Variants in ADAMTS18 observed in about 807,000 individuals in gnomAD.
ADAMTS18 encodes the protein ADAM metallopeptidase with thrombospondin type 1 motif 18.
A neutral mutation model predicts 165.9 loss-of-function variants in ADAMTS18; 157 were observed. The observed-to-expected ratio is 0.95, with a 90% CI of 0.83 to 1.08. The LOEUF (loss-of-function observed/expected upper bound fraction) is 1.08, where lower values mean the gene tolerates loss of function less well. ADAMTS18 is among the 50% of genes least tolerant of loss of function. The probability of loss-of-function intolerance (pLI) is 0.00; values close to 1 mark genes in which losing one functional copy is unlikely to be tolerated. For synonymous variants in ADAMTS18, 782 were observed against 578.2 expected (o/e 1.35, Z -5.06); for missense variants, 2,040 against 1,534.0 (o/e 1.33, Z -5.51).
At chr16:77,345,454 T>C (rs1381137128) in intron 10 of ADAMTS18, among the ~76,000 whole-genome samples, 2 of 152,160 alleles carry the variant, frequency 1.3e-5, no homozygotes, top group African/African-American at 4.8e-5. Flanking sequence ...TTCAAAATAT[T>C]TCCAGAATCT....
intron 18 of ADAMTS18, among the ~76,000 whole-genome samples, chr16:77,296,634 A>C (rs2055478083): frequency 6.6e-6 from 1 of 152,194 alleles, no homozygotes; most frequent in Admixed American, 6.5e-5. Context: ...AGCCTGGCCA[A>C]CATGGCAAAA....
At chr16:77,421,585 C>G (rs550812115) in intron 3 of ADAMTS18, among the ~76,000 whole-genome samples, 4 of 152,204 alleles carry the variant, frequency 2.6e-5, no homozygotes, top group African/African-American at 9.7e-5. Context: ...CTGCCCTAGG[C>G]TCATGGAAAA....
chr16:77,304,507 T>C (rs377367083), intron 16 of ADAMTS18, among the ~76,000 whole-genome samples: 2 of 152,194 alleles, frequency 1.3e-5, no homozygotes, highest in South Asian at 2.1e-4. Flanking sequence ...AAGATTTCTA[T>C]TCCCCCCTCT....
chr16:77,353,705 G>C, intron 10 of ADAMTS18, 28 bp downstream of exon 10: 2 of 1,614,144 alleles, frequency 1.2e-6, no homozygotes, highest in Non-Finnish European at 1.7e-6. Flanking sequence ...GAGTCTTAAT[G>C]TAAGTTTGAA....
At chr16:77,355,782 A>G (rs1446447154) in intron 9 of ADAMTS18, among the ~76,000 whole-genome samples, 158 bp downstream of exon 9, 2 of 152,174 alleles carry the variant, frequency 1.3e-5, no homozygotes, top group Admixed American at 6.5e-5. Context: ...TTTTTTCAAC[A>G]ATGTCATCAT....
intron 13 of ADAMTS18, 81 bp from the exon 14 acceptor site, chr16:77,322,547 A>C: frequency 6.5e-7 from 1 of 1,529,532 alleles, no homozygotes; most frequent in Non-Finnish European, 9.0e-7. Flanking sequence ...GAATGAATTA[A>C]ATTTACTTAG....
chr16:77,340,727 C>T (rs909270052), intron 11 of ADAMTS18, among the ~76,000 whole-genome samples: 2 of 152,026 alleles, frequency 1.3e-5, no homozygotes, highest in Non-Finnish European at 2.9e-5. Context: ...ACTACAGGCA[C>T]GCACCACCAA....
In ADAMTS18 at chr16:77,289,302, G is replaced by T. The variant is rs1364135085; in HGVS notation, c.3512C>A (p.Ala1171Asp). The change falls in exon 22 of 23, where the codon GCC (alanine) becomes GAC (aspartate). Residue 1171 changes from alanine to aspartate, a missense_variant. Transcript: ENST00000282849. Reference sequence around the variant, plus strand: ...AGCTGGACAGAAGTTTGTATTACAGGCTCGTAGCACCGGAGGTTTCTGATG... The same window carrying T: ...AGCTGGACAGAAGTTTGTATTACAGTCTCGTAGCACCGGAGGTTTCTGATG... ...LLHQKPPVLR[A>D]CNTNFCPAPE... 2 of 1,614,002 alleles carry T rather than the reference G, an allele frequency of 1.2e-6. No individual in the cohort carries two copies. The highest frequency in any genetic ancestry group is 2.7e-5 in the African/African-American group (2 of 74,898).
chr16:77,431,504 A>G lies in ADAMTS18; in HGVS notation c.286T>C (p.Ser96Pro). 1 of 1,614,182 alleles carries G rather than the reference A, an allele frequency of 6.2e-7. No homozygotes were observed. Among genetic ancestry groups the G allele is most frequent in the African/African-American group, 1.3e-5 (1 of 75,050 alleles). ...AATGCTGAAAATCGGTAGTGCAGGGAGCTTCTGGCATTCTGCGCCGATCGC... is the reference window on the plus strand; with the variant it reads ...AATGCTGAAAATCGGTAGTGCAGGGGGCTTCTGGCATTCTGCGCCGATCGC... ...KKRSAQNARS[S>P]LHYRFSAFGQ... The change falls in exon 3 of 23, where the codon TCC (serine) becomes CCC (proline). Residue 96 changes from serine to proline, a missense_variant. Ser to Pro is a moderately conservative substitution (Grantham distance 74). Transcript: ENST00000282849.
intron 22 of ADAMTS18, among the ~76,000 whole-genome samples, chr16:77,285,703 G>C (rs981876918): frequency 1.3e-5 from 2 of 152,074 alleles, no homozygotes; most frequent in African/African-American, 4.8e-5. Context: ...CTGGTTGTTT[G>C]AGCTTCTACT....
intron 3 of ADAMTS18, among the ~76,000 whole-genome samples, chr16:77,387,131 A>C (rs1374144580): frequency 6.6e-6 from 1 of 152,200 alleles, no homozygotes; most frequent in Non-Finnish European, 1.5e-5. Flanking sequence ...AACTCGCTAC[A>C]TGTAACTGAG....
Position 77,375,744 on chromosome 16 carries a change from A to G in ADAMTS18, c.496-8021T>C, listed in dbSNP as rs560954022. Among the ~76,000 whole-genome samples, 7 of 152,292 alleles carry G rather than the reference A, an allele frequency of 4.6e-5. No individual in the cohort carries two copies. The East Asian group carries it at 1.2e-3, about 25-fold the overall frequency. On this transcript the variant is annotated intron_variant, in intron 3 of 22. Coordinates refer to ENST00000282849, the MANE Select transcript of ADAMTS18 (RefSeq NM_199355.4). ...TCATTGCTATAAAGAACTACCTGAG[A>G]ATTGGGTATTTATAAAGAAAAGAGG...
intron 3 of ADAMTS18, among the ~76,000 whole-genome samples, chr16:77,385,397 C>T (rs1157668166): frequency 6.6e-6 from 1 of 152,164 alleles, no homozygotes; most frequent in Non-Finnish European, 1.5e-5. Context: ...GACTTGTATT[C>T]TGTAACTAAG....
chr16:77,291,449 C>G lies in ADAMTS18; in HGVS notation c.3219G>C (p.Arg1073Ser). ...TCTCGCTGCACTTCATCTCCCTCTT[C>G]CTCACACCCAAACCACAGGTTGCAG... ...ECSATCGLGV[R>S]KREMKCSEKG... Residue 1073 changes from arginine (R) to serine (S), a missense_variant, in exon 21 of 23, where the codon AGG becomes AGC. Transcript: ENST00000282849. 1 of 1,614,228 alleles carries G rather than the reference C, an allele frequency of 6.2e-7. No individual in the cohort carries two copies. Among genetic ancestry groups the G allele is most frequent in the South Asian group, 1.1e-5 (1 of 91,086 alleles).
At chr16:77,369,945 A>G (rs2056853005) in intron 3 of ADAMTS18, among the ~76,000 whole-genome samples, 2 of 152,220 alleles carry the variant, frequency 1.3e-5, no homozygotes, top group Non-Finnish European at 2.9e-5. Flanking sequence ...TTAATCAACA[A>G]ACATGATATA....
chr16:77,337,592 T>G (rs142052106), intron 11 of ADAMTS18, among the ~76,000 whole-genome samples: 1 of 152,224 alleles, frequency 6.6e-6, no homozygotes, highest in Non-Finnish European at 1.5e-5. Flanking sequence ...ACACTTCTAC[T>G]TCTCATCTTG....
At chr16:77,345,523 C>T (rs2056463189) in intron 10 of ADAMTS18, among the ~76,000 whole-genome samples, 2 of 152,218 alleles carry the variant, frequency 1.3e-5, no homozygotes, top group African/African-American at 4.8e-5. Context: ...CGACATGGAG[C>T]TCACTGCCAG....
chr16:77,396,761 T>C (rs2057262653), intron 3 of ADAMTS18, among the ~76,000 whole-genome samples: 1 of 151,980 alleles, frequency 6.6e-6, no homozygotes, highest in Admixed American at 6.5e-5. Flanking sequence ...TTAAACGCTA[T>C]TCCAGCTTTG....
At chr16:77,395,772 T>C (rs879719609) in intron 3 of ADAMTS18, among the ~76,000 whole-genome samples, 9 of 152,206 alleles carry the variant, frequency 5.9e-5, no homozygotes, top group Admixed American at 5.9e-4. Flanking sequence ...AATGAAAGGA[T>C]GGAAATAGAC....
Sources: gnomAD v4.1 joint callset for allele counts (sites outside exome capture counted in the v4.1 genomes callset) on GRCh38, gnomAD v4.1.1 for gene constraint, MANE v1.5 for transcripts, NCBI Gene and HGNC (gene_info 2026-07-23, HGNC 2026-07-21) for gene names.